TGFBR3: variants seen among roughly 807,000 people sequenced by gnomAD.
TGFBR3 encodes transforming growth factor beta receptor 3, also known as transforming growth factor beta receptor type 3.
In TGFBR3, 46 loss-of-function variants were observed where a neutral mutation model predicts 87.9. The ratio of observed to expected loss-of-function variants is 0.52; its 90% CI spans 0.41 to 0.67. The LOEUF (loss-of-function observed/expected upper bound fraction) is 0.67, where lower values mean the gene tolerates loss of function less well. Among genes scored for constraint, TGFBR3 ranks in the 30% least tolerant of loss-of-function variants. TGFBR3 has a pLI of 0.00. For synonymous variants in TGFBR3, 381 were observed against 391.6 expected (o/e 0.97, Z 0.32); for missense variants, 866 against 1,041.9 (o/e 0.83, Z 2.32).
intron 14 of TGFBR3, among the ~76,000 whole-genome samples, chr1:91,706,934 G>A (rs1461086354): frequency 6.6e-6 from 1 of 152,096 alleles, no homozygotes; most frequent in Non-Finnish European, 1.5e-5. Context: ...TATAAAGACT[G>A]GGTCTATTAT....
chr1:91,766,176 C>G (rs974620306), intron 3 of TGFBR3, among the ~76,000 whole-genome samples: 4 of 150,384 alleles, frequency 2.7e-5, no homozygotes, highest in Admixed American at 2.0e-4. Flanking sequence ...CATAAACCAC[C>G]ATAACCAGCT....
chr1:91,886,826 A>G (rs1679332294), upstream of TGFBR3, among the ~76,000 whole-genome samples: 1 of 151,702 alleles, frequency 6.6e-6, no homozygotes, highest in Non-Finnish European at 1.5e-5. Context: ...AATACAAATA[A>G]TGGAGCTAGG....
At chr1:91,741,132 C>T (rs1375785672) in intron 4 of TGFBR3, among the ~76,000 whole-genome samples, 1 of 152,200 alleles carries the variant, frequency 6.6e-6, no homozygotes, top group Non-Finnish European at 1.5e-5. Flanking sequence ...TCAGACCGCA[C>T]AGATTAAGGG....
At chr1:91,830,498 T>C (rs1404457565) in intron 2 of TGFBR3, among the ~76,000 whole-genome samples, 1 of 152,156 alleles carries the variant, frequency 6.6e-6, no homozygotes, top group Non-Finnish European at 1.5e-5. Flanking sequence ...TGCAAGCAGC[T>C]GCTAAATAAC....
intron 1 of TGFBR3, among the ~76,000 whole-genome samples, chr1:91,902,706 C>T (rs572546814): frequency 6.6e-6 from 1 of 151,692 alleles, no homozygotes. Context: ...CAGACTTGGT[C>T]CCTGTATAAG....
chr1:91,773,362 A>G (rs2100939021), intron 3 of TGFBR3, among the ~76,000 whole-genome samples: 1 of 152,164 alleles, frequency 6.6e-6, no homozygotes, highest in South Asian at 2.1e-4. Flanking sequence ...TTCAGCAACT[A>G]ATAGAGTCAG....
intron 1 of TGFBR3, among the ~76,000 whole-genome samples, chr1:91,872,957 T>C (rs1678637388): frequency 6.6e-6 from 1 of 151,858 alleles, no homozygotes; most frequent in South Asian, 2.1e-4. Context: ...GGTTTTCCCT[T>C]TTTTTGACGG....
chr1:91,850,268 T>TA (rs1313371880), intron 2 of TGFBR3, among the ~76,000 whole-genome samples: 2 of 152,062 alleles, frequency 1.3e-5, no homozygotes, highest in Admixed American at 1.3e-4. Flanking sequence ...TTTAAAAGTA[T>TA]AAAGAAAAGG....
intron 14 of TGFBR3, 73 bp downstream of exon 14, chr1:91,708,590 G>A: frequency 6.2e-7 from 1 of 1,608,446 alleles, no homozygotes. Context: ...GCTGGACTTT[G>A]ATTTACACTA....
chr1:91,826,372 T>A (rs1387933260), intron 2 of TGFBR3, among the ~76,000 whole-genome samples: 1 of 152,198 alleles, frequency 6.6e-6, no homozygotes, highest in Admixed American at 6.5e-5. Context: ...CTCACATTTA[T>A]ATTTAGTAGG....
chr1:91,730,893 TGA>T (rs750666998), intron 5 of TGFBR3, among the ~76,000 whole-genome samples: 33 of 152,382 alleles, frequency 2.2e-4, no homozygotes, highest in South Asian at 8.3e-4. Flanking sequence ...CTCACTGTGC[TGA>T]GAGTTGCTCA....
At chr1:91,746,605 GA>G (rs1673356725) in intron 4 of TGFBR3, among the ~76,000 whole-genome samples, 1 of 152,128 alleles carries the variant, frequency 6.6e-6, no homozygotes, top group South Asian at 2.1e-4. Context: ...AACCCCACAG[GA>G]GGGAAGACTC....
chr1:91,879,512 T>C (rs1485865313), intron 1 of TGFBR3, among the ~76,000 whole-genome samples: 4 of 152,182 alleles, frequency 2.6e-5, no homozygotes, highest in African/African-American at 9.6e-5. Flanking sequence ...ATTTTAAATA[T>C]GGTCTCTATC....
chr1:91,802,289 C>T (rs1474605702), intron 2 of TGFBR3, among the ~76,000 whole-genome samples: 1 of 152,172 alleles, frequency 6.6e-6, no homozygotes, highest in Non-Finnish European at 1.5e-5. Flanking sequence ...CAAACACATC[C>T]ATGGGTTCAA....
intron 13 of TGFBR3, among the ~76,000 whole-genome samples, chr1:91,709,456 T>A (rs1433541329): frequency 6.6e-6 from 1 of 152,248 alleles, no homozygotes; most frequent in Non-Finnish European, 1.5e-5. Context: ...CTATACTGCA[T>A]TATGAAGGTG....
intron 8 of TGFBR3, among the ~76,000 whole-genome samples, chr1:91,721,239 A>G (rs1672358075): frequency 6.6e-6 from 1 of 152,216 alleles, no homozygotes; most frequent in Admixed American, 6.5e-5. Context: ...TACTTTCACG[A>G]AAACCTTCAC....
chr1:91,711,784 A>G, intron 13 of TGFBR3, among the ~76,000 whole-genome samples: 1 of 152,206 alleles, frequency 6.6e-6, no homozygotes, highest in East Asian at 1.9e-4. Context: ...GAGAAAAGCT[A>G]AAATATTTGT....
At chr1:91,708,290 C>T (rs7514724) in intron 14 of TGFBR3, among the ~76,000 whole-genome samples, 24,010 of 152,038 alleles carry the variant, frequency 0.16, 2,256 homozygotes, top group East Asian at 0.39. Context: ...TAAACTTTAG[C>T]AGTAGATCAC....
At chr1:91,893,371 A>G (rs1418620560) in intron 2 of TGFBR3, among the ~76,000 whole-genome samples, 2 of 151,170 alleles carry the variant, frequency 1.3e-5, no homozygotes, top group Non-Finnish European at 2.9e-5. Flanking sequence ...TACAACCTTC[A>G]CCTCCCGGGT....
Sources: allele counts gnomAD v4.1 joint callset (sites outside exome capture counted in the v4.1 genomes callset), GRCh38; gene constraint gnomAD v4.1.1; transcripts MANE v1.5; gene names NCBI Gene and HGNC (gene_info 2026-07-23, HGNC 2026-07-21).